Variants in ADAMTS2 observed in about 807,000 individuals in gnomAD.
ADAMTS2 encodes the protein ADAM metallopeptidase with thrombospondin type 1 motif 2.
Under a neutral mutation model 123.0 loss-of-function variants are expected in ADAMTS2, and 50 were observed. The observed-to-expected ratio is 0.41, with a 90% confidence interval of 0.32 to 0.51. The LOEUF is 0.51. ADAMTS2 is among the 20% of genes least tolerant of loss of function. The pLI is 0.35. For missense variants in ADAMTS2, 1,494 were observed against 1,705.2 expected (o/e 0.88, Z 2.18); for synonymous variants, 678 against 695.4 (o/e 0.98, Z 0.39).
chr5:179,216,235 C>T (rs559196568), intron 3 of ADAMTS2, among the ~76,000 whole-genome samples: 196 of 152,314 alleles, frequency 1.3e-3, no homozygotes, highest in Non-Finnish European at 2.2e-3. Context: ...TACTGAGCAG[C>T]GTGACCCACG....
In ADAMTS2 at chr5:179,284,053, G is replaced by A. The variant is rs189606763; in HGVS notation, c.535-10989C>T. On this transcript the variant is annotated intron_variant, in intron 2 of 21. Transcript: ENST00000251582. ...TCTCAAAAAAACCCAAAATCCAACC[G>A]GGCGCAGTGGCTCACGTCCATAATC... Among the ~76,000 whole-genome samples the A allele has an allele frequency of 3.7e-3, 554 of 151,142 alleles. 15 individuals are homozygous for A. The highest frequency in any genetic ancestry group is 0.031 in the Admixed American group (465 of 15,150).
rs149401436 is a variant in ADAMTS2 at position 179,262,759 on chromosome 5, C to T, written c.688+10152G>A. Reference sequence around the variant, plus strand: ...TGTTCACAGGATTCTCCACTGTCTGCGAGCATCTGCTCACCAGGTCTCCCC... The same window carrying T: ...TGTTCACAGGATTCTCCACTGTCTGTGAGCATCTGCTCACCAGGTCTCCCC... On this transcript the variant is annotated intron_variant, in intron 3 of 21. Transcript: ENST00000251582. The surrounding 1 kb of genome is among the most constrained non-coding windows in gnomAD (Gnocchi z 5.9). Among the ~76,000 whole-genome samples the T allele has an allele frequency of 6.6e-5, 10 of 152,384 alleles. No homozygotes were observed. In the East Asian group the frequency reaches 1.3e-3, roughly 21 times the overall value.
In ADAMTS2 at chr5:179,154,298, C is replaced by T. The variant is rs1234950375; in HGVS notation, c.1239-106G>A. On this transcript the variant is annotated intron_variant, in intron 7 of 21. Coordinates refer to ENST00000251582, the MANE Select transcript of ADAMTS2 (RefSeq NM_014244.5). ...GCCCCATCTTTCCCCAACGGGCCTC[C>T]TGACCTTGGCCCACTCTGAGCCGGG... 6 of 1,482,982 alleles carry T rather than the reference C, an allele frequency of 4.0e-6. No homozygotes were observed. In the African/African-American group the frequency reaches 6.9e-5, roughly 17 times the overall value. The allele number at this position is 1,482,982 out of a possible 1,614,324, so 91.9% of individuals were successfully genotyped here. A position where few individuals can be genotyped will look rare whatever the true frequency, so the allele number is the denominator to read the frequency against.
At chr5:179,186,682 A>C (rs1764178190) in intron 4 of ADAMTS2, among the ~76,000 whole-genome samples, 1 of 152,192 alleles carries the variant, frequency 6.6e-6, no homozygotes, top group African/African-American at 2.4e-5. Flanking sequence ...CAGAGCAGAG[A>C]GTCGACTGAT....
intron 3 of ADAMTS2, among the ~76,000 whole-genome samples, chr5:179,216,007 A>C (rs1332312724): frequency 6.6e-6 from 1 of 152,226 alleles, no homozygotes; most frequent in African/African-American, 2.4e-5. Flanking sequence ...TTATGTGACA[A>C]GCACTCCTCT....
intron 2 of ADAMTS2, among the ~76,000 whole-genome samples, chr5:179,297,139 G>C (rs1156772545): frequency 6.6e-6 from 1 of 152,152 alleles, no homozygotes; most frequent in Non-Finnish European, 1.5e-5. Flanking sequence ...CAACAGCCCT[G>C]TCAAAGGGAA....
intron 3 of ADAMTS2, among the ~76,000 whole-genome samples, chr5:179,250,779 T>A (rs941350406): frequency 2.3e-4 from 35 of 152,238 alleles, no homozygotes; most frequent in Middle Eastern, 3.2e-3. Context: ...CATCTGCTCC[T>A]AACTTTCGAA....
At chr5:179,119,228 G>A (rs1478690020) in intron 21 of ADAMTS2, among the ~76,000 whole-genome samples, 2 of 152,310 alleles carry the variant, frequency 1.3e-5, no homozygotes, top group East Asian at 1.9e-4. Flanking sequence ...TTTAAGCTGC[G>A]ATTGCTTTTG....
chr5:179,172,273 G>A (rs1348225643), intron 5 of ADAMTS2, among the ~76,000 whole-genome samples: 1 of 152,212 alleles, frequency 6.6e-6, no homozygotes, highest in African/African-American at 2.4e-5. Flanking sequence ...TTGTCCCTGG[G>A]AAGAGCAGGC....
Position 179,126,034 on chromosome 5 carries a change from CGGA to C in ADAMTS2, c.2711_2713del (p.Ile904_Arg905delinsSer). On this transcript the variant is annotated inframe_deletion, in exon 18 of 22. Transcript: ENST00000251582. ...GCATTCCTGTGGGTTGCACGCTCTG[CGGA>C]TGGCTTTGGGCTTCGAGAGGGCGGC... 1.9e-6 allele frequency: 3 copies of C among 1,613,424 alleles called. No individual in the cohort carries two copies. The highest frequency in any genetic ancestry group is 2.5e-6 in the Non-Finnish European group (3 of 1,180,018).
intron 3 of ADAMTS2, among the ~76,000 whole-genome samples, chr5:179,251,935 G>A (rs1237793397): frequency 2.6e-5 from 4 of 151,856 alleles, no homozygotes; most frequent in African/African-American, 7.3e-5. Flanking sequence ...CACTGACCCC[G>A]AATCTTCCTA....
At chr5:179,237,569 C>A (rs1765560229) in intron 3 of ADAMTS2, among the ~76,000 whole-genome samples, 1 of 152,194 alleles carries the variant, frequency 6.6e-6, no homozygotes, top group Non-Finnish European at 1.5e-5. Flanking sequence ...CACCTGGATC[C>A]AGTCGCGTCA....
intron 3 of ADAMTS2, among the ~76,000 whole-genome samples, chr5:179,227,231 T>C (rs1190726713): frequency 1.3e-5 from 2 of 152,100 alleles, no homozygotes; most frequent in South Asian, 2.1e-4. Context: ...GGACAGCCAA[T>C]GGGAGGGGGA....
intron 3 of ADAMTS2, among the ~76,000 whole-genome samples, chr5:179,269,641 CAG>C (rs1411179257): frequency 6.6e-6 from 1 of 152,136 alleles, no homozygotes; most frequent in Non-Finnish European, 1.5e-5. Flanking sequence ...GGTGGAGACA[CAG>C]AGACAAACCA....
At chr5:179,216,685 C>T (rs989869039) in intron 3 of ADAMTS2, among the ~76,000 whole-genome samples, 2 of 152,270 alleles carry the variant, frequency 1.3e-5, no homozygotes. Context: ...GAGCCTCCAT[C>T]CAGCGGGGGC....
At chr5:179,133,644 T>C (rs2113207839) in intron 13 of ADAMTS2, among the ~76,000 whole-genome samples, 1 of 152,278 alleles carries the variant, frequency 6.6e-6, no homozygotes, top group African/African-American at 2.4e-5. Flanking sequence ...TCTGCATGAA[T>C]ATTTATGTTT....
chr5:179,298,411 C>T (rs1756405609), intron 2 of ADAMTS2, among the ~76,000 whole-genome samples: 1 of 152,158 alleles, frequency 6.6e-6, no homozygotes, highest in Admixed American at 6.5e-5. Flanking sequence ...GTGCACCCTC[C>T]ACTGTGTGCA....
chr5:179,142,718 A>C (rs897225209), intron 10 of ADAMTS2, among the ~76,000 whole-genome samples: 38 of 152,200 alleles, frequency 2.5e-4, no homozygotes, highest in African/African-American at 8.9e-4. Flanking sequence ...GTGACTGCAT[A>C]TGACCAAGGC....
In ADAMTS2 at chr5:179,343,990, T is replaced by C. The variant is rs1446598712; in HGVS notation, c.311A>G (p.Glu104Gly). Reference sequence around the variant, plus strand: ...ATTGTAGAAGAGGTGACTGCCAGGCTCCTCCTCGTTGCCTCCGGGGAAGCT... The same window carrying C: ...ATTGTAGAAGAGGTGACTGCCAGGCCCCTCCTCGTTGCCTCCGGGGAAGCT... Reference protein sequence around the residue: ...TPSFPGGNEEEPGSHLFYNVT... With the variant: ...TPSFPGGNEEGPGSHLFYNVT... The change falls in exon 2 of 22, where the codon GAG becomes GGG. Residue 104 changes from glutamate to glycine, a missense_variant. Physicochemically the swap from Glu to Gly is moderately conservative, Grantham distance 98. This residue lies in a region of ADAMTS2 where 237 missense variants were observed against 233.7 expected (regional missense o/e 1.01). Coordinates refer to ENST00000251582, the MANE Select transcript of ADAMTS2 (RefSeq NM_014244.5). 3 of 1,612,534 alleles carry C rather than the reference T, an allele frequency of 1.9e-6. No homozygotes were observed. Among genetic ancestry groups the C allele is most frequent in the African/African-American group, 2.7e-5 (2 of 74,918 alleles).
Sources: allele counts gnomAD v4.1 joint callset (sites outside exome capture counted in the v4.1 genomes callset), GRCh38; gene constraint gnomAD v4.1.1; regional missense constraint gnomAD v4.1.1; non-coding constraint Gnocchi (gnomAD v3.1); transcripts MANE v1.5; gene names NCBI Gene and HGNC (gene_info 2026-07-23, HGNC 2026-07-21).